IDO1: variants seen among roughly 807,000 people sequenced by gnomAD.
The protein encoded by IDO1 is indolamine 2,3 dioxygenase.
In IDO1, 35 loss-of-function variants were observed where a neutral mutation model predicts 38.8. That is an observed-to-expected ratio of 0.90 (90% CI 0.69 to 1.20). IDO1 has a LOEUF of 1.20. IDO1 is among the 50% of genes most tolerant of loss of function. The probability of loss-of-function intolerance (pLI) is 0.00; values close to 1 mark genes in which losing one functional copy is unlikely to be tolerated. For missense variants in IDO1, 509 were observed against 485.1 expected, an observed-to-expected ratio of 1.05 and a Z score of -0.46; for synonymous variants, 171 against 170.0, an observed-to-expected ratio of 1.01 and a Z score of -0.05.
chr8:39,928,280 C>T lies in IDO1; in HGVS notation c.*95C>T. On this transcript the variant is annotated 3_prime_UTR_variant, in exon 10 of 10. Transcript: ENST00000518237. ...AACAGAGCCACAAACTAATACTATG[C>T]AATGTTTTACCAATAATGCAATACA... 1.2e-6 allele frequency: 1 copy of T among 818,798 alleles called. No homozygotes were observed. The highest frequency in any genetic ancestry group is 1.9e-6 in the Non-Finnish European group (1 of 529,750). 50.7% of individuals were successfully genotyped at this position (818,798 alleles called of 1,614,324 possible). A position where few individuals can be genotyped will look rare whatever the true frequency, so the allele number is the denominator to read the frequency against.
chr8:39,921,946 CAG>C (rs1443288544), intron 5 of IDO1, among the ~76,000 whole-genome samples: 1 of 152,130 alleles, frequency 6.6e-6, no homozygotes. Context: ...ATAATAGAAA[CAG>C]AACTAGTTTG....
chr8:39,921,345 C>A (rs939513585), intron 5 of IDO1, among the ~76,000 whole-genome samples: 1 of 151,804 alleles, frequency 6.6e-6, no homozygotes, highest in Non-Finnish European at 1.5e-5. Context: ...CTCAGCTACT[C>A]GGGAGACTGA....
chr8:39,913,999 C>G lies in IDO1; in HGVS notation c.77C>G (p.Pro26Arg), dbSNP rs1369352625. Residue 26 changes from proline (P) to arginine (R), a missense_variant, in exon 1 of 10, where the codon CCA (proline) becomes CGA (arginine). Transcript: ENST00000518237. Reference sequence around the variant, plus strand: ...GATGAAGAAGTGGGCTTTGCTCTGCCAAATCCACAGGTAAGAGAAGGCAGT... The same window carrying G: ...GATGAAGAAGTGGGCTTTGCTCTGCGAAATCCACAGGTAAGAGAAGGCAGT... ...HIDEEVGFAL[P>R]NPQENLPDFY... is the part of the protein sequence containing the mutation. The G allele has an allele frequency of 1.3e-5, 21 of 1,566,790 alleles. No homozygotes were observed. Among genetic ancestry groups the G allele is most frequent in the Non-Finnish European group, 1.8e-5 (21 of 1,154,772 alleles).
Position 39,915,579 on chromosome 8 carries a change from C to A in IDO1, c.87+1570C>A, listed in dbSNP as rs1247560232. The A allele has an allele frequency of 1.3e-3, 198 of 152,288 alleles. 1 individual carries two copies. Among genetic ancestry groups the A allele is most frequent in the African/African-American group, 4.6e-3 (192 of 41,566 alleles). 9.4% of individuals were successfully genotyped at this position (152,288 alleles called of 1,614,324 possible). On this transcript the variant is annotated intron_variant, in intron 1 of 9. Transcript: ENST00000518237. ...TATACTTTAATTTTATTGCCAAAAG[C>A]ACTAGTTTGCTTTATTCATGCAAAA...
intron 4 of IDO1, 43 bp from the exon 5 acceptor site, chr8:39,920,055 TTC>T: frequency 2.5e-6 from 4 of 1,586,894 alleles, no homozygotes; most frequent in Non-Finnish European, 3.5e-6. Flanking sequence ...TTGGTTTTCT[TTC>T]TCTCTTCCAA....
intron 9 of IDO1, among the ~76,000 whole-genome samples, chr8:39,926,186 C>CA (rs1315186942): frequency 1.3e-5 from 2 of 151,160 alleles, no homozygotes; most frequent in Non-Finnish European, 2.9e-5. Context: ...GACTCCATCT[C>CA]AAAAAAAATT....
chr8:39,927,810 T>C lies in IDO1; in HGVS notation c.857-20T>C. 1 of 1,460,146 alleles carries C rather than the reference T, an allele frequency of 6.8e-7. No homozygotes were observed. The highest frequency in any genetic ancestry group is 9.1e-7 in the Non-Finnish European group (1 of 1,096,956). The allele number at this position is 1,460,146 out of a possible 1,614,324, so 90.4% of individuals were successfully genotyped here. ...GGAATGCTGTGACCTCCGTATTTCC[T>C]CTTTCTCTTTTTCCTATAGGACATG... is the stretch of plus-strand genomic sequence containing the variant. On this transcript the variant is annotated intron_variant, in intron 9 of 9. Transcript: ENST00000518237.
chr8:39,928,549 C>A lies in IDO1; in HGVS notation c.*364C>A, dbSNP rs1004004110. 3 of 161,108 alleles carry A rather than the reference C, an allele frequency of 1.9e-5. No homozygotes were observed. Among genetic ancestry groups the A allele is most frequent in the Admixed American group, 1.2e-4 (2 of 16,334 alleles). The allele number at this position is 161,108 out of a possible 1,614,324, so 10.0% of individuals were successfully genotyped here. A position where few individuals can be genotyped will look rare whatever the true frequency, so the allele number is the denominator to read the frequency against. On this transcript the variant is annotated 3_prime_UTR_variant, in exon 10 of 10. Transcript: ENST00000518237. ...GAGATCGAGACCATCTTGGCTAACA[C>A]GGTGAAACCCCGTCTCTACTAAAAA...
Position 39,928,250 on chromosome 8 carries a change from A to G in IDO1, c.*65A>G. 1 of 1,140,536 alleles carries G rather than the reference A, an allele frequency of 8.8e-7. No individual in the cohort carries two copies. Among genetic ancestry groups the G allele is most frequent in the Non-Finnish European group, 1.2e-6 (1 of 800,888 alleles). 70.7% of individuals were successfully genotyped at this position (1,140,536 alleles called of 1,614,324 possible). On this transcript the variant is annotated 3_prime_UTR_variant, in exon 10 of 10. Transcript: ENST00000518237. ...TCTGTATGCATTCCTGTCATTACCC[A>G]TTGTAACAGAGCCACAAACTAATAC...
In IDO1 at chr8:39,913,988, C is replaced by CT. The variant is rs1563413627; in HGVS notation, c.69dup (p.Ala24CysfsTer11). ...AGTACCATATTGATGAAGAAGTGGG[C>CT]TTTGCTCTGCCAAATCCACAGGTAA... On this transcript the variant is annotated frameshift_variant, in exon 1 of 10. Transcript: ENST00000518237. LOFTEE classifies it high-confidence loss of function. The CT allele has an allele frequency of 6.4e-7, 1 of 1,570,992 alleles. No individual in the cohort carries two copies. The highest frequency in any genetic ancestry group is 1.9e-5 in the Admixed American group (1 of 53,064).
At chr8:39,916,149 G>A (rs1159602244) in intron 1 of IDO1, among the ~76,000 whole-genome samples, 1 of 151,870 alleles carries the variant, frequency 6.6e-6, no homozygotes, top group Non-Finnish European at 1.5e-5. Flanking sequence ...CTGGGTGACA[G>A]AGCGAGACTC....
chr8:39,925,446 C>T (rs1807346183), intron 9 of IDO1, 75 bp downstream of exon 9: 2 of 1,369,248 alleles, frequency 1.5e-6, no homozygotes, highest in Non-Finnish European at 2.0e-6. Flanking sequence ...AAAGCACCTT[C>T]CCATCAGCAT....
intron 1 of IDO1, among the ~76,000 whole-genome samples, chr8:39,915,121 A>G (rs1452625625): frequency 6.6e-6 from 1 of 152,184 alleles, no homozygotes; most frequent in Non-Finnish European, 1.5e-5. Context: ...GGCATGCAGA[A>G]TGTAATTATC....
At chr8:39,915,158 G>A (rs923504892) in intron 1 of IDO1, among the ~76,000 whole-genome samples, 1 of 152,158 alleles carries the variant, frequency 6.6e-6, no homozygotes, top group Admixed American at 6.5e-5. Context: ...AAGTGCCAGA[G>A]GCCAGTATGA....
At chr8:39,923,635 C>T (rs753377290) in intron 7 of IDO1, 49 bp downstream of exon 7, 1 of 1,101,500 alleles carries the variant, frequency 9.1e-7, no homozygotes, top group East Asian at 2.4e-5. Context: ...GTCAAATGTT[C>T]CAGGTGTAGA....
chr8:39,923,844 G>C (rs1333859425), intron 7 of IDO1: 1 of 260,000 alleles, frequency 3.8e-6, no homozygotes, highest in Non-Finnish European at 7.2e-6. Context: ...TCCAAGCTGG[G>C]TCTATTTAAC....
intron 5 of IDO1, among the ~76,000 whole-genome samples, chr8:39,921,570 G>A (rs1218932139): frequency 1.3e-5 from 2 of 151,682 alleles, no homozygotes; most frequent in African/African-American, 4.8e-5. Context: ...GATGACATCA[G>A]CAGTCAGTCT....
At chr8:39,922,734 T>C in intron 6 of IDO1, 83 bp downstream of exon 6, 1 of 845,614 alleles carries the variant, frequency 1.2e-6, no homozygotes, top group Non-Finnish European at 2.0e-6. Flanking sequence ...ATACTAAGCA[T>C]GAGTTAACTT....
rs772669654 is a variant in IDO1, at chr8:39,927,885, G to A, written c.912G>A (p.Arg304=). The change falls in exon 10 of 10, where the codon AGG becomes AGA. Residue 304 remains arginine (R), a synonymous_variant. Transcript: ENST00000518237. ...DMRRYMPPAH[R]NFLCSLESNP... is the part of the protein sequence containing the mutation. Reference sequence around the variant, plus strand: ...GAAGATATATGCCACCAGCTCACAGGAACTTCCTGTGCTCATTAGAGTCAA... The same window carrying A: ...GAAGATATATGCCACCAGCTCACAGAAACTTCCTGTGCTCATTAGAGTCAA... The A allele has an allele frequency of 1.3e-6, 2 of 1,593,840 alleles. No homozygotes were observed. Among genetic ancestry groups the A allele is most frequent in the East Asian group, 4.5e-5 (2 of 44,616 alleles).
Sources: allele counts gnomAD v4.1 joint callset (sites outside exome capture counted in the v4.1 genomes callset), GRCh38; gene constraint gnomAD v4.1.1; transcripts MANE v1.5; gene names NCBI Gene and HGNC (gene_info 2026-07-23, HGNC 2026-07-21).